Variants in NCALD observed in about 807,000 individuals in gnomAD.
The protein encoded by NCALD is neurocalcin-delta.
In NCALD, 10 loss-of-function variants were observed where a neutral mutation model predicts 18.6. The ratio of observed to expected loss-of-function variants is 0.54; its 90% CI spans 0.33 to 0.91. The LOEUF is 0.91. Among genes scored for constraint, NCALD ranks in the 40% least tolerant of loss-of-function variants. NCALD has a pLI of 0.03. For missense variants in NCALD, 184 were observed against 247.6 expected (o/e 0.74, Z 1.72); for synonymous variants, 88 against 87.4 (o/e 1.01, Z -0.04).
chr8:102,016,882 G>C (rs1490857239), intron 2 of NCALD, among the ~76,000 whole-genome samples: 1 of 152,142 alleles, frequency 6.6e-6, no homozygotes, highest in South Asian at 2.1e-4. Context: ...AACAGAGCTG[G>C]AAAGAGAGAT....
At chr8:101,884,619 A>G (rs1201072900) in intron 4 of NCALD, among the ~76,000 whole-genome samples, 2 of 152,196 alleles carry the variant, frequency 1.3e-5, no homozygotes, top group Admixed American at 6.5e-5. Flanking sequence ...CTATGTCTGT[A>G]TGACACTAAA....
At chr8:101,792,485 T>C (rs187058661), upstream of NCALD, among the ~76,000 whole-genome samples, 137 of 152,310 alleles carry the variant, frequency 9.0e-4, 1 homozygote, top group African/African-American at 3.2e-3. Flanking sequence ...GAAATCAAAC[T>C]ATAAGGAACT....
At chr8:101,705,091 G>C (rs1815448185) in intron 2 of NCALD, among the ~76,000 whole-genome samples, 2 of 151,922 alleles carry the variant, frequency 1.3e-5, no homozygotes, top group African/African-American at 2.4e-5. Context: ...GCTGGGCATG[G>C]TGGTGCGCAC....
chr8:102,099,266 A>G (rs551351112), intron 1 of NCALD, among the ~76,000 whole-genome samples: 2 of 152,188 alleles, frequency 1.3e-5, no homozygotes, highest in Non-Finnish European at 2.9e-5. Flanking sequence ...TGCTACACCA[A>G]TAGTCCAAGG....
chr8:101,881,423 A>G (rs1293704156), intron 4 of NCALD, among the ~76,000 whole-genome samples: 1 of 152,246 alleles, frequency 6.6e-6, no homozygotes, highest in Non-Finnish European at 1.5e-5. Context: ...ATTAACCAGT[A>G]TACTATTATA....
rs576079218 is a variant in NCALD, at chr8:101,696,525, C to G, written c.379-3629G>C. Among the ~76,000 whole-genome samples, 20 of 152,158 alleles carry G rather than the reference C, an allele frequency of 1.3e-4. No homozygotes were observed. In the South Asian group the frequency reaches 3.1e-3, roughly 24 times the overall value. On this transcript the variant is annotated intron_variant, in intron 2 of 3. Transcript: ENST00000220931. ...ACCATGTGGAAGCCCAGAGTGGGAG[C>G]GTGGCAAGGAGGTCAACAGAGTGTG...
intron 4 of NCALD, among the ~76,000 whole-genome samples, chr8:101,838,515 C>T (rs1414008188): frequency 4.6e-5 from 7 of 152,300 alleles, no homozygotes; most frequent in Middle Eastern, 3.4e-3. Flanking sequence ...CCACCGTGCC[C>T]AGCCCAGTTA....
chr8:101,899,367 T>C (rs1376649541), intron 3 of NCALD, among the ~76,000 whole-genome samples: 1 of 152,002 alleles, frequency 6.6e-6, no homozygotes, highest in African/African-American at 2.4e-5. Flanking sequence ...CCTTTTTCCT[T>C]TCTGATTTGT....
At chr8:101,726,278 C>G (rs1816570389) in intron 1 of NCALD, among the ~76,000 whole-genome samples, 1 of 152,098 alleles carries the variant, frequency 6.6e-6, no homozygotes, top group Admixed American at 6.5e-5. Context: ...TGATTTATAT[C>G]CTAACAGGAC....
At chr8:101,946,290 C>T (rs1819168417) in intron 2 of NCALD, among the ~76,000 whole-genome samples, 1 of 152,126 alleles carries the variant, frequency 6.6e-6, no homozygotes, top group Non-Finnish European at 1.5e-5. Context: ...TTGTGCTAAT[C>T]TCAGGGGATA....
At chr8:101,883,189 C>G (rs1816551176) in intron 4 of NCALD, among the ~76,000 whole-genome samples, 1 of 151,994 alleles carries the variant, frequency 6.6e-6, no homozygotes, top group South Asian at 2.1e-4. Context: ...CTGGGCAACA[C>G]AGTGAGACAC....
intron 4 of NCALD, among the ~76,000 whole-genome samples, chr8:101,874,201 C>T (rs565443857): frequency 1.3e-5 from 2 of 152,062 alleles, no homozygotes; most frequent in East Asian, 1.9e-4. Context: ...CTTGAAGGCC[C>T]GTTTGAGGAC....
At chr8:102,096,720 C>T (rs914442982) in intron 1 of NCALD, among the ~76,000 whole-genome samples, 2 of 152,152 alleles carry the variant, frequency 1.3e-5, no homozygotes, top group Non-Finnish European at 2.9e-5. Context: ...AATGGGAAAC[C>T]CCTAGAGGGT....
chr8:102,024,279 C>T (rs1012925062), intron 1 of NCALD, among the ~76,000 whole-genome samples: 4 of 152,140 alleles, frequency 2.6e-5, no homozygotes, highest in African/African-American at 9.7e-5. Flanking sequence ...TGAGTAATTC[C>T]GAATAAAGCA....
chr8:101,700,020 C>G (rs796218945), intron 2 of NCALD, among the ~76,000 whole-genome samples: 4 of 151,080 alleles, frequency 2.6e-5, no homozygotes, highest in African/African-American at 9.7e-5. Flanking sequence ...GACTGATATG[C>G]TCTCTATTTT....
intron 4 of NCALD, among the ~76,000 whole-genome samples, chr8:101,868,175 G>A (rs1051294257): frequency 2.0e-5 from 3 of 152,020 alleles, no homozygotes; most frequent in Non-Finnish European, 2.9e-5. Context: ...GCTTGTAGAC[G>A]CCAGCATCTG....
chr8:102,032,278 A>T (rs1822701563), intron 1 of NCALD, among the ~76,000 whole-genome samples: 1 of 152,142 alleles, frequency 6.6e-6, no homozygotes, highest in African/African-American at 2.4e-5. Flanking sequence ...CTCCTGATAC[A>T]TTGCTTCCTC....
At chr8:102,080,118 CA>C (rs1261077182) in intron 1 of NCALD, among the ~76,000 whole-genome samples, 1 of 152,112 alleles carries the variant, frequency 6.6e-6, no homozygotes, top group Admixed American at 6.6e-5. Context: ...AAAATCCGCC[CA>C]AGGAAATATA....
chr8:102,106,445 G>GTATATATATATA (rs369201039), intron 1 of NCALD, among the ~76,000 whole-genome samples: 3,074 of 131,802 alleles, frequency 0.023, 33 homozygotes, highest in Non-Finnish European at 0.03. Context: ...TTAGCATATA[G>GTATATATATATA]TATATATATA....
Sources: allele counts gnomAD v4.1 joint callset (sites outside exome capture counted in the v4.1 genomes callset), GRCh38; gene constraint gnomAD v4.1.1; transcripts MANE v1.5; gene names NCBI Gene and HGNC (gene_info 2026-07-23, HGNC 2026-07-21).